Variants in RABGAP1L observed in about 807,000 individuals in gnomAD.
RABGAP1L encodes the protein RAB GTPase activating protein 1 like.
Under a neutral mutation model 137.7 loss-of-function variants are expected in RABGAP1L, and 63 were observed. The ratio of observed to expected loss-of-function variants is 0.46; its 90% confidence interval spans 0.37 to 0.56. The LOEUF (loss-of-function observed/expected upper bound fraction) is 0.56, where lower values mean the gene tolerates loss of function less well. Ranked by LOEUF, RABGAP1L falls within the 20% of genes least tolerant of loss-of-function variation. The pLI, the probability that RABGAP1L is intolerant of heterozygous loss-of-function variation, is 0.00. For synonymous variants in RABGAP1L, 431 were observed against 433.7 expected, an observed-to-expected ratio of 0.99 and a Z score of 0.08; for missense variants, 1,095 against 1,244.0, an observed-to-expected ratio of 0.88 and a Z score of 1.80.
chr1:174,377,928 CT>C, intron 12 of RABGAP1L, among the ~76,000 whole-genome samples: 1 of 51,104 alleles, frequency 2.0e-5, no homozygotes, highest in Non-Finnish European at 3.1e-5. Flanking sequence ...AATGCTATCC[CT>C]CCCCCCTCCC....
intron 13 of RABGAP1L, among the ~76,000 whole-genome samples, chr1:174,621,169 G>C (rs1672425598): frequency 6.6e-6 from 1 of 152,110 alleles, no homozygotes; most frequent in Non-Finnish European, 1.5e-5. Flanking sequence ...CCTCTTCAAG[G>C]AGAACTACAA....
chr1:174,351,934 T>G (rs1414098628), intron 11 of RABGAP1L, among the ~76,000 whole-genome samples: 1 of 152,174 alleles, frequency 6.6e-6, no homozygotes, highest in Non-Finnish European at 1.5e-5. Context: ...CCCAGGTAGC[T>G]GGGATTACAG....
At chr1:174,857,070 A>G (rs1323389378) in intron 19 of RABGAP1L, among the ~76,000 whole-genome samples, 1 of 152,236 alleles carries the variant, frequency 6.6e-6, no homozygotes, top group African/African-American at 2.4e-5. Flanking sequence ...AGTTAAATCA[A>G]GTGGTATAAA....
At chr1:174,415,277 A>G (rs995008931) in intron 13 of RABGAP1L, among the ~76,000 whole-genome samples, 1 of 152,030 alleles carries the variant, frequency 6.6e-6, no homozygotes, top group Non-Finnish European at 1.5e-5. Flanking sequence ...TAGATTAACA[A>G]TTTATTTTAT....
chr1:174,718,006 C>G (rs1296768486), intron 17 of RABGAP1L, among the ~76,000 whole-genome samples: 1 of 152,186 alleles, frequency 6.6e-6, no homozygotes. Flanking sequence ...TGCTTCCTGT[C>G]CCAGTTGCTC....
chr1:174,604,862 G>A (rs1215056375), intron 13 of RABGAP1L, among the ~76,000 whole-genome samples: 2 of 152,188 alleles, frequency 1.3e-5, no homozygotes, highest in African/African-American at 4.8e-5. Flanking sequence ...TGTAAAATTA[G>A]GCTGGGTACA....
intron 13 of RABGAP1L, among the ~76,000 whole-genome samples, chr1:174,452,763 G>C (rs967637757): frequency 3.3e-5 from 5 of 151,904 alleles, no homozygotes; most frequent in Non-Finnish European, 7.4e-5. Context: ...GGGTTTCGCG[G>C]CGTTAGTCAG....
intron 1 of RABGAP1L, among the ~76,000 whole-genome samples, chr1:174,211,655 A>G (rs777273157): frequency 1.3e-5 from 2 of 152,190 alleles, no homozygotes; most frequent in Non-Finnish European, 2.9e-5. Context: ...TAAATGGATT[A>G]AACTCTCCAA....
chr1:174,987,020 G>A (rs1017810761), intron 24 of RABGAP1L, among the ~76,000 whole-genome samples: 1 of 152,196 alleles, frequency 6.6e-6, no homozygotes, highest in African/African-American at 2.4e-5. Flanking sequence ...AGAGTGACAA[G>A]TTTTGTTTTT....
intron 3 of RABGAP1L, among the ~76,000 whole-genome samples, chr1:174,227,221 A>G (rs1425196622): frequency 1.5e-5 from 2 of 137,106 alleles, no homozygotes; most frequent in African/African-American, 5.4e-5. Context: ...TTTTTTTGAG[A>G]TGGAGTTTCA....
intron 13 of RABGAP1L, among the ~76,000 whole-genome samples, chr1:174,622,237 C>T (rs1298318177): frequency 1.3e-5 from 2 of 152,130 alleles, no homozygotes; most frequent in East Asian, 1.9e-4. Context: ...GAAATAGGAA[C>T]ACTTTTACAG....
intron 17 of RABGAP1L, among the ~76,000 whole-genome samples, chr1:174,708,497 A>G (rs370564625): frequency 6.6e-6 from 1 of 152,256 alleles, no homozygotes. Flanking sequence ...TGAAGGATTA[A>G]CAGAAGCAGG....
intron 18 of RABGAP1L, among the ~76,000 whole-genome samples, chr1:174,779,781 T>C (rs995310259): frequency 1.3e-5 from 2 of 152,188 alleles, no homozygotes; most frequent in African/African-American, 4.8e-5. Context: ...AACTCCTTTC[T>C]TTTGAATACA....
chr1:174,965,113 T>C, intron 20 of RABGAP1L: 1 of 639,918 alleles, frequency 1.6e-6, no homozygotes, highest in Non-Finnish European at 2.6e-6. Flanking sequence ...CCATAAGGGG[T>C]GAAACTATGA....
intron 19 of RABGAP1L, among the ~76,000 whole-genome samples, chr1:174,832,191 G>A (rs146434626): frequency 0.07 from 10,329 of 146,734 alleles, 1,322 homozygotes; most frequent in Admixed American, 0.1. Context: ...TACTCAGGAG[G>A]CTGAGGCAGG....
chr1:174,799,981 C>A, intron 18 of RABGAP1L: 1 of 1,038,658 alleles, frequency 9.6e-7, no homozygotes, highest in Non-Finnish European at 1.2e-6. Flanking sequence ...CACACACACT[C>A]TCACACATTC....
At chr1:174,320,280 A>T (rs754865502) in intron 11 of RABGAP1L, among the ~76,000 whole-genome samples, 1 of 152,096 alleles carries the variant, frequency 6.6e-6, no homozygotes, top group African/African-American at 2.4e-5. Context: ...GCAACCAGTG[A>T]TCTATTTTCT....
chr1:174,633,771 C>A (rs945795316), intron 13 of RABGAP1L, among the ~76,000 whole-genome samples: 2 of 141,670 alleles, frequency 1.4e-5, no homozygotes, highest in Admixed American at 1.4e-4. Context: ...CTGAGAAAAA[C>A]AAGCAGTGGG....
At chr1:174,570,183 C>T (rs1309810250) in intron 13 of RABGAP1L, among the ~76,000 whole-genome samples, 1 of 152,156 alleles carries the variant, frequency 6.6e-6, no homozygotes, top group African/African-American at 2.4e-5. Flanking sequence ...TAAGAGGTTA[C>T]CAGCATTACA....
Sources: gnomAD v4.1 joint callset for allele counts (sites outside exome capture counted in the v4.1 genomes callset) on GRCh38, gnomAD v4.1.1 for gene constraint, MANE v1.5 for transcripts, NCBI Gene and HGNC (gene_info 2026-07-23, HGNC 2026-07-21) for gene names.